The following SRBD1 variants were observed in gnomAD, a reference collection of about 807,000 sequenced individuals.
The protein encoded by SRBD1 is S1 RNA binding domain 1.
A neutral mutation model predicts 115.3 loss-of-function variants in SRBD1; 88 were observed. That is an observed-to-expected ratio of 0.76 (90% CI 0.64 to 0.91). The LOEUF is 0.91. SRBD1 is among the 40% of genes least tolerant of loss of function. The pLI, the probability that SRBD1 is intolerant of heterozygous loss-of-function variation, is 0.00. For missense variants in SRBD1, 1,385 were observed against 1,177.4 expected (o/e 1.18, Z -2.58); for synonymous variants, 509 against 407.7 (o/e 1.25, Z -2.99).
chr2:45,430,732 G>C (rs1262304591), intron 16 of SRBD1, among the ~76,000 whole-genome samples: 1 of 152,134 alleles, frequency 6.6e-6, no homozygotes, highest in Non-Finnish European at 1.5e-5. Context: ...ACATAGGCAT[G>C]GGCAAAGACT....
chr2:45,450,048 A>C (rs942934912), intron 16 of SRBD1, among the ~76,000 whole-genome samples: 1 of 152,156 alleles, frequency 6.6e-6, no homozygotes, highest in Non-Finnish European at 1.5e-5. Context: ...TTGGAAGTGA[A>C]ACCAGGTTTT....
rs187394019 is a variant in SRBD1, at chr2:45,416,136, G to A, written c.2333+2229C>T. ...GATGGAGGGGCAAAATACGTAGGAA[G>A]AATAAGCCCAAACATATAAATAAAT... On this transcript the variant is annotated intron_variant, in intron 18 of 20. Transcript: ENST00000263736. 4.4e-3 allele frequency among the ~76,000 whole-genome samples: 664 copies of A among 151,986 alleles called. 7 individuals carry two copies. Among genetic ancestry groups the A allele is most frequent in the African/African-American group, 0.015 (629 of 41,428 alleles).
At chr2:45,447,430 G>A (rs1160354455) in intron 16 of SRBD1, 1 of 146,550 alleles carries the variant, frequency 6.8e-6, no homozygotes, top group African/African-American at 2.6e-5. Context: ...CCTGGCGACA[G>A]AGCGAGGCTC....
chr2:45,557,711 A>G (rs3770297), intron 10 of SRBD1, among the ~76,000 whole-genome samples: 77,258 of 151,558 alleles, frequency 0.51, 20,078 homozygotes, highest in African/African-American at 0.54. Context: ...CATACTAAGG[A>G]ACCTGAAATA....
At position 45,512,947 on chromosome 2, in the gene SRBD1, T is replaced by A. The variant is rs1327850568; in HGVS notation, c.1875-24616A>T. Among the ~76,000 whole-genome samples, 3 of 152,074 alleles carry A rather than the reference T, an allele frequency of 2.0e-5. No individual in the cohort carries two copies. In the East Asian group the frequency reaches 5.8e-4, roughly 29 times the overall value. ...GAAGTAGAAAGAGACACAAACCTCA[T>A]GCTGAGAAGGACCAAGCAAGCACAC... On this transcript the variant is annotated intron_variant, in intron 14 of 20. Coordinates refer to ENST00000263736, the MANE Select transcript of SRBD1 (RefSeq NM_018079.5).
intron 11 of SRBD1, among the ~76,000 whole-genome samples, chr2:45,552,744 A>T (rs1396782523): frequency 6.6e-6 from 1 of 152,220 alleles, no homozygotes; most frequent in Non-Finnish European, 1.5e-5. Flanking sequence ...GCTAAAATGG[A>T]TGTAACAAGA....
chr2:45,546,328 G>A, intron 14 of SRBD1: 13 of 985,448 alleles, frequency 1.3e-5, no homozygotes, highest in Non-Finnish European at 1.6e-5. Flanking sequence ...TTGGCTCTCA[G>A]TTCTGAAGGG....
At chr2:45,432,732 T>A (rs1253973995) in intron 16 of SRBD1, among the ~76,000 whole-genome samples, 1 of 152,222 alleles carries the variant, frequency 6.6e-6, no homozygotes, top group African/African-American at 2.4e-5. Flanking sequence ...TTGGGGCAAG[T>A]TACTTAAACA....
chr2:45,509,592 T>A (rs1670902691), intron 14 of SRBD1, among the ~76,000 whole-genome samples: 1 of 100,408 alleles, frequency 1.0e-5, no homozygotes, highest in African/African-American at 3.8e-5. Flanking sequence ...CAAGACTCCG[T>A]CTCAAAACAC....
chr2:45,496,558 T>C (rs1398839631), intron 14 of SRBD1, among the ~76,000 whole-genome samples: 2 of 152,232 alleles, frequency 1.3e-5, no homozygotes, highest in Non-Finnish European at 2.9e-5. Flanking sequence ...TTTTTACCTA[T>C]AGCTGAATAA....
At chr2:45,510,884 T>C (rs983936602) in intron 14 of SRBD1, among the ~76,000 whole-genome samples, 5 of 152,162 alleles carry the variant, frequency 3.3e-5, no homozygotes, top group Non-Finnish European at 4.4e-5. Flanking sequence ...TATAATCACA[T>C]GCAGGCTGCA....
At chr2:45,563,920 G>C (rs1001275505) in intron 9 of SRBD1, among the ~76,000 whole-genome samples, 1 of 152,090 alleles carries the variant, frequency 6.6e-6, no homozygotes, top group Non-Finnish European at 1.5e-5. Flanking sequence ...AAAGATATTA[G>C]AGAAGGAAAA....
At chr2:45,546,986 A>G in intron 13 of SRBD1, 147 bp from the exon 14 acceptor site, 1 of 726,854 alleles carries the variant, frequency 1.4e-6, no homozygotes, top group Non-Finnish European at 2.3e-6. Context: ...TGCATAAGGA[A>G]AACACAGACT....
At chr2:45,567,458 A>T (rs188684155) in intron 9 of SRBD1, among the ~76,000 whole-genome samples, 1 of 152,178 alleles carries the variant, frequency 6.6e-6, no homozygotes, top group East Asian at 1.9e-4. Context: ...AAAATACAAA[A>T]ATCAGCCAGG....
In SRBD1 at chr2:45,553,746, G is replaced by T. The variant is rs771865400; in HGVS notation, c.1410-16C>A. 1.3e-6 allele frequency: 2 copies of T among 1,527,932 alleles called. No individual in the cohort carries two copies. The highest frequency in any genetic ancestry group is 2.5e-5 in the South Asian group (2 of 79,734). The allele number at this position is 1,527,932 out of a possible 1,614,324, so 94.6% of individuals were successfully genotyped here. A position where few individuals can be genotyped will look rare whatever the true frequency, so the allele number is the denominator to read the frequency against. On this transcript the variant is annotated splice_polypyrimidine_tract_variant and intron_variant, in intron 10 of 20. Coordinates refer to ENST00000263736, the MANE Select transcript of SRBD1 (RefSeq NM_018079.5). ...TGGTCTCCACCTGCAAAACAGAAAA[G>T]CCCACACTAAAACTGATGCAACAAT...
At chr2:45,545,682 A>G (rs1429249130) in intron 14 of SRBD1, among the ~76,000 whole-genome samples, 1 of 152,218 alleles carries the variant, frequency 6.6e-6, no homozygotes, top group Non-Finnish European at 1.5e-5. Flanking sequence ...AACCAGAGAA[A>G]GAGGGAAAAA....
At chr2:45,588,370 G>A (rs769505088) in intron 4 of SRBD1, among the ~76,000 whole-genome samples, 16 of 152,176 alleles carry the variant, frequency 1.1e-4, no homozygotes, top group African/African-American at 3.6e-4. Flanking sequence ...TTGCTCTTAA[G>A]AGGCCTTCAT....
intron 16 of SRBD1, among the ~76,000 whole-genome samples, chr2:45,461,165 G>A (rs1157942166): frequency 6.6e-6 from 1 of 152,150 alleles, no homozygotes; most frequent in Admixed American, 6.5e-5. Flanking sequence ...GTAAATGTAG[G>A]GATCTGAAGA....
At chr2:45,498,022 G>A (rs1276160747) in intron 14 of SRBD1, among the ~76,000 whole-genome samples, 1 of 152,038 alleles carries the variant, frequency 6.6e-6, no homozygotes, top group African/African-American at 2.4e-5. Flanking sequence ...AAACTACCTA[G>A]GTGCAATGAA....
Sources: allele counts gnomAD v4.1 joint callset (sites outside exome capture counted in the v4.1 genomes callset), GRCh38; gene constraint gnomAD v4.1.1; transcripts MANE v1.5; gene names NCBI Gene and HGNC (gene_info 2026-07-23, HGNC 2026-07-21).